Variants in NCAPD2 observed in about 807,000 individuals in gnomAD.
NCAPD2 encodes the protein non-SMC condensin I complex subunit D2.
A neutral mutation model predicts 164.5 loss-of-function variants in NCAPD2; 100 were observed. The observed-to-expected ratio is 0.61, with a 90% CI of 0.52 to 0.72. The LOEUF (loss-of-function observed/expected upper bound fraction) is 0.72. NCAPD2 is among the 30% of genes least tolerant of loss of function. The probability of loss-of-function intolerance (pLI) is 0.00; values close to 1 mark genes in which losing one functional copy is unlikely to be tolerated. For synonymous variants in NCAPD2, 585 were observed against 642.6 expected, an observed-to-expected ratio of 0.91 and a Z score of 1.36; for missense variants, 1,560 against 1,749.2, an observed-to-expected ratio of 0.89 and a Z score of 1.93.
rs755960209 is a variant in NCAPD2 at position 6,514,554 on chromosome 12, A to G, written c.806A>G (p.Tyr269Cys). ...GCCGTGAGTCTATGGGCAACTGACT[A>G]TGGAATGAAGAGCATAGTGGGAGAG... ...VAAVSLWATD[Y>C]GMKSIVGEIV... is the part of the protein sequence containing the mutation. The change falls in exon 8 of 32, where the codon TAT (tyrosine) becomes TGT (cysteine). Residue 269 changes from tyrosine to cysteine, a missense_variant. Transcript: ENST00000315579. The G allele has an allele frequency of 4.3e-6, 7 of 1,614,220 alleles. No homozygotes were observed. The highest frequency in any genetic ancestry group is 1.1e-5 in the South Asian group (1 of 91,090).
intron 27 of NCAPD2, chr12:6,529,286 G>A: frequency 1.6e-6 from 1 of 616,390 alleles, no homozygotes; most frequent in Non-Finnish European, 2.9e-6. Flanking sequence ...TCACTCCCTA[G>A]CAGCTGCTCC....
rs1219064127 is a variant in NCAPD2 at position 6,495,066 on chromosome 12, T to G, written c.-23-10T>G. ...TATAGACCCTGACTTTTTCACTGTTTGGTTTCTAGCCCTGTGAGCCTGTAG... is the reference window on the plus strand; with the variant it reads ...TATAGACCCTGACTTTTTCACTGTTGGGTTTCTAGCCCTGTGAGCCTGTAG... On this transcript the variant is annotated splice_polypyrimidine_tract_variant and intron_variant, in intron 1 of 31. Transcript: ENST00000315579. The G allele has an allele frequency of 1.9e-6, 3 of 1,613,328 alleles. No homozygotes were observed. In the South Asian group the frequency reaches 3.3e-5, roughly 18 times the overall value.
chr12:6,516,700 TG>T lies in NCAPD2; in HGVS notation c.988-125del, dbSNP rs1187859193. The T allele has an allele frequency of 7.8e-6, 7 of 895,726 alleles. No individual in the cohort carries two copies. The East Asian group carries it at 1.8e-4, about 24-fold the overall frequency. The allele number at this position is 895,726 out of a possible 1,614,324, so 55.5% of individuals were successfully genotyped here. A position where few individuals can be genotyped will look rare whatever the true frequency, so the allele number is the denominator to read the frequency against. Reference sequence around the variant, plus strand: ...CATTCTCTGAGCAACAAGTCCTCTTTGGGATTCAGCTTTCTCCTGTGACCTT... The same window carrying T: ...CATTCTCTGAGCAACAAGTCCTCTTTGGATTCAGCTTTCTCCTGTGACCTT... On this transcript the variant is annotated intron_variant, in intron 9 of 31. Coordinates refer to ENST00000315579, the MANE Select transcript of NCAPD2 (RefSeq NM_014865.4).
At chr12:6,508,285 A>G (rs1367761114) in intron 2 of NCAPD2, among the ~76,000 whole-genome samples, 4 of 152,178 alleles carry the variant, frequency 2.6e-5, no homozygotes, top group African/African-American at 9.7e-5. Flanking sequence ...ACAGTGAGCT[A>G]TGTTTGCACC....
chr12:6,521,129 C>A lies in NCAPD2; in HGVS notation c.1714+19C>A, dbSNP rs1160692733. ...TTCAAAGGTAATCATTTTCCTTCTT[C>A]AGTCAATAAATAACACATGTCAACT... On this transcript the variant is annotated intron_variant, in intron 14 of 31. Transcript: ENST00000315579. The A allele has an allele frequency of 3.1e-6, 5 of 1,612,562 alleles. No individual in the cohort carries two copies. Among genetic ancestry groups the A allele is most frequent in the Non-Finnish European group, 4.2e-6 (5 of 1,179,324 alleles).
chr12:6,516,766 C>A, intron 9 of NCAPD2, 62 bp from the exon 10 acceptor site: 1 of 1,549,588 alleles, frequency 6.5e-7, no homozygotes, highest in Non-Finnish European at 8.9e-7. Flanking sequence ...AAAGTTATGG[C>A]CAAGCACAAG....
Position 6,526,469 on chromosome 12 carries a change from T to G in NCAPD2, c.2588T>G (p.Leu863Arg), listed in dbSNP as rs1946319211. ...VTKGFVHPDPLWIPFKEVAVT... is the reference protein window; with the variant it reads ...VTKGFVHPDPRWIPFKEVAVT... The stretch of plus-strand genomic sequence containing the variant: ...GCAGGCTTTGTCCACCCAGACCCAC[T>G]CTGGATCCCATTCAAAGAGGTGGCA... The change falls in exon 21 of 32, where the codon CTC becomes CGC. Residue 863 changes from leucine to arginine, a missense_variant. Leu to Arg is a moderately radical substitution (Grantham distance 102). Transcript: ENST00000315579. 6.2e-7 allele frequency: 1 copy of G among 1,614,102 alleles called. No homozygotes were observed. The highest frequency in any genetic ancestry group is 2.2e-5 in the East Asian group (1 of 44,872).
intron 2 of NCAPD2, among the ~76,000 whole-genome samples, chr12:6,497,939 CTT>C (rs1221298200): frequency 7.5e-6 from 1 of 134,104 alleles, no homozygotes; most frequent in Non-Finnish European, 1.6e-5. Flanking sequence ...TTTAAAGAGT[CTT>C]TTGTTTTTTG....
At chr12:6,529,981 A>G (rs772636565) in intron 29 of NCAPD2, 23 bp downstream of exon 29, 3 of 1,602,744 alleles carry the variant, frequency 1.9e-6, no homozygotes, top group South Asian at 1.1e-5. Flanking sequence ...GGACACTTCA[A>G]TGCCTGTTGG....
chr12:6,527,879 C>T lies in NCAPD2; in HGVS notation c.3010C>T (p.Leu1004=). The T allele has an allele frequency of 6.2e-7, 1 of 1,613,722 alleles. No individual in the cohort carries two copies. The change falls in exon 23 of 32, where the codon CTG becomes TTG. Residue 1004 remains leucine (L), a synonymous_variant. Coordinates refer to ENST00000315579, the MANE Select transcript of NCAPD2 (RefSeq NM_014865.4). ...AATCCGTGGCATCTGCGAGATGGAA[C>T]TGTTGGATGGTAAGAAAAATGGCTG... ...ELIRGICEME[L]LDGKQTLAAF... is the part of the protein sequence containing the mutation.
intron 6 of NCAPD2, among the ~76,000 whole-genome samples, chr12:6,513,483 C>T (rs1565542405): frequency 6.6e-6 from 1 of 152,048 alleles, no homozygotes; most frequent in Non-Finnish European, 1.5e-5. Context: ...CCACTGCACT[C>T]CAGCCTGGGC....
Position 6,531,157 on chromosome 12 carries a change from G to A in NCAPD2, c.4120+81G>A. ...GCTGGTTTCCATAGGACCTGCTGCG[G>A]GGGCCTGAGTGTAGATGCTCTGCCC... On this transcript the variant is annotated intron_variant, in intron 31 of 31. Coordinates refer to ENST00000315579, the MANE Select transcript of NCAPD2 (RefSeq NM_014865.4). This position sits in a 1 kb window ranked among gnomAD's most constrained non-coding sequence, Gnocchi z 4.1. 6.4e-7 allele frequency: 1 copy of A among 1,573,868 alleles called. No individual in the cohort carries two copies. Among genetic ancestry groups the A allele is most frequent in the East Asian group, 2.2e-5 (1 of 44,676 alleles).
rs761336811 is a variant in NCAPD2, at chr12:6,528,870, A to G, written c.3477+14A>G. ...CTCTCCCACAAGGTGAGAGGCAGAG[A>G]GGCACTGAGGGCTGGCTGCAGAGGG... On this transcript the variant is annotated intron_variant, in intron 26 of 31. Transcript: ENST00000315579. This position sits in a 1 kb window ranked among gnomAD's most constrained non-coding sequence, Gnocchi z 5.1. 1.9e-6 allele frequency: 3 copies of G among 1,612,710 alleles called. No homozygotes were observed. Among genetic ancestry groups the G allele is most frequent in the Non-Finnish European group, 1.7e-6 (2 of 1,178,896 alleles).
At chr12:6,498,136 C>T (rs917274094) in intron 2 of NCAPD2, among the ~76,000 whole-genome samples, 1 of 151,936 alleles carries the variant, frequency 6.6e-6, no homozygotes, top group African/African-American at 2.4e-5. Context: ...CTCAAACTCC[C>T]GAGCTCAAGC....
At chr12:6,511,720 G>A (rs1433229561) in intron 6 of NCAPD2, among the ~76,000 whole-genome samples, 4 of 151,812 alleles carry the variant, frequency 2.6e-5, no homozygotes, top group African/African-American at 7.3e-5. Flanking sequence ...GGTGGCTCAC[G>A]CCTATAATCC....
chr12:6,522,750 C>T, intron 15 of NCAPD2, 78 bp from the exon 16 acceptor site: 1 of 1,510,110 alleles, frequency 6.6e-7, no homozygotes, highest in Non-Finnish European at 9.0e-7. Flanking sequence ...CATCTTGCTA[C>T]ATTCAGAAAG....
At chr12:6,520,874 T>C (rs565254128) in intron 13 of NCAPD2, 112 bp from the exon 14 acceptor site, 19 of 1,433,014 alleles carry the variant, frequency 1.3e-5, no homozygotes, top group Admixed American at 8.4e-5. Context: ...TGTTAAGTGC[T>C]CCTTTTCTCT....
intron 2 of NCAPD2, among the ~76,000 whole-genome samples, chr12:6,507,590 A>T (rs1946109495): frequency 6.6e-6 from 1 of 152,116 alleles, no homozygotes; most frequent in Admixed American, 6.6e-5. Context: ...AAACATCTGA[A>T]CTTTCTTTAG....
intron 17 of NCAPD2, among the ~76,000 whole-genome samples, chr12:6,524,639 ACT>A (rs1435736787): frequency 2.4e-5 from 3 of 125,546 alleles, no homozygotes; most frequent in African/African-American, 1.0e-4. Context: ...ACAGAGGGAG[ACT>A]CTGTCTCAAA....
Sources: allele counts gnomAD v4.1 joint callset (sites outside exome capture counted in the v4.1 genomes callset), GRCh38; gene constraint gnomAD v4.1.1; non-coding constraint Gnocchi (gnomAD v3.1); transcripts MANE v1.5; gene names NCBI Gene and HGNC (gene_info 2026-07-23, HGNC 2026-07-21).